GPC6: variants seen among roughly 807,000 people sequenced by gnomAD.
GPC6 encodes glypican 6, also known as glypican-6.
Under a neutral mutation model 55.2 loss-of-function variants are expected in GPC6, and 14 were observed. The ratio of observed to expected loss-of-function variants is 0.25; its 90% CI spans 0.17 to 0.40. The LOEUF is 0.40. Ranked by LOEUF, GPC6 falls within the 10% of genes least tolerant of loss-of-function variation. The pLI is 1.00. For missense variants in GPC6, 641 were observed against 708.5 expected (o/e 0.90, Z 1.08); for synonymous variants, 278 against 259.6 (o/e 1.07, Z -0.68).
intron 4 of GPC6, among the ~76,000 whole-genome samples, chr13:94,080,612 C>T (rs1885065558): frequency 6.6e-6 from 1 of 152,078 alleles, no homozygotes; most frequent in Non-Finnish European, 1.5e-5. Context: ...ATTTATTTCT[C>T]ACAGTTCTGG....
chr13:94,190,684 T>G (rs2138961697), intron 4 of GPC6, among the ~76,000 whole-genome samples: 1 of 152,318 alleles, frequency 6.6e-6, no homozygotes, highest in South Asian at 2.1e-4. Context: ...AGTTAATAAC[T>G]GCAGTATGGG....
intron 6 of GPC6, among the ~76,000 whole-genome samples, chr13:94,380,270 GA>G (rs1210315449): frequency 6.6e-6 from 1 of 152,188 alleles, no homozygotes; most frequent in Non-Finnish European, 1.5e-5. Context: ...TTCTGAACCA[GA>G]TATAAATATA....
At chr13:93,572,691 A>G (rs535984063) in intron 2 of GPC6, among the ~76,000 whole-genome samples, 1 of 152,304 alleles carries the variant, frequency 6.6e-6, no homozygotes, top group South Asian at 2.1e-4. Context: ...TGGTTTGTGA[A>G]GATTAGTTGA....
chr13:93,562,408 A>G (rs1875860910), intron 2 of GPC6, among the ~76,000 whole-genome samples: 1 of 152,194 alleles, frequency 6.6e-6, no homozygotes, highest in Admixed American at 6.5e-5. Context: ...ACAGGATACT[A>G]TCATGAGAAA....
At chr13:93,804,722 A>T (rs1886490044) in intron 2 of GPC6, among the ~76,000 whole-genome samples, 1 of 152,118 alleles carries the variant, frequency 6.6e-6, no homozygotes, top group Non-Finnish European at 1.5e-5. Flanking sequence ...ATCCCAAATC[A>T]ACCACCAGGA....
intron 1 of GPC6, among the ~76,000 whole-genome samples, chr13:93,303,406 C>A (rs1878747586): frequency 6.6e-6 from 1 of 152,130 alleles, no homozygotes; most frequent in African/African-American, 2.4e-5. Context: ...CAGTAGCTGA[C>A]AAAATGAGTG....
intron 6 of GPC6, among the ~76,000 whole-genome samples, chr13:94,369,418 A>G (rs1879432005): frequency 6.6e-6 from 1 of 152,214 alleles, no homozygotes; most frequent in African/African-American, 2.4e-5. Context: ...GGGCTGAAGG[A>G]GAAAGTCAAA....
At chr13:93,561,020 C>T (rs1019218902) in intron 2 of GPC6, among the ~76,000 whole-genome samples, 3 of 152,020 alleles carry the variant, frequency 2.0e-5, no homozygotes, top group South Asian at 2.1e-4. Flanking sequence ...TCACATGTGA[C>T]GTCTCTTTAA....
intron 1 of GPC6, among the ~76,000 whole-genome samples, chr13:93,432,275 T>A (rs549684700): frequency 6.6e-6 from 1 of 152,156 alleles, no homozygotes; most frequent in African/African-American, 2.4e-5. Context: ...GCAACAGTGA[T>A]GAACAGATCC....
intron 2 of GPC6, among the ~76,000 whole-genome samples, chr13:93,707,223 C>T (rs1193338130): frequency 6.6e-6 from 1 of 151,620 alleles, no homozygotes; most frequent in Non-Finnish European, 1.5e-5. Context: ...ACAACCCACA[C>T]TGGGGCTCTT....
intron 1 of GPC6, among the ~76,000 whole-genome samples, chr13:93,247,192 A>T (rs986638023): frequency 1.3e-5 from 2 of 152,198 alleles, no homozygotes; most frequent in African/African-American, 2.4e-5. Flanking sequence ...AGAAGACAGA[A>T]TTTTTGAGAT....
At chr13:93,297,637 A>C (rs1878538825) in intron 1 of GPC6, among the ~76,000 whole-genome samples, 1 of 152,008 alleles carries the variant, frequency 6.6e-6, no homozygotes, top group South Asian at 2.1e-4. Context: ...CAAAAAGTAA[A>C]AAGTAAAAAA....
chr13:93,371,794 G>T (rs1874666950), intron 1 of GPC6, among the ~76,000 whole-genome samples: 1 of 151,936 alleles, frequency 6.6e-6, no homozygotes, highest in Non-Finnish European at 1.5e-5. Flanking sequence ...AAAAACAAAA[G>T]CTAATGGGCG....
chr13:93,750,141 T>C (rs1884527776), intron 2 of GPC6, among the ~76,000 whole-genome samples: 1 of 151,978 alleles, frequency 6.6e-6, no homozygotes, highest in African/African-American at 2.4e-5. Context: ...TTAAGCAGAG[T>C]CTTTAAAATT....
intron 2 of GPC6, among the ~76,000 whole-genome samples, chr13:93,717,697 G>A (rs1341992756): frequency 1.3e-5 from 2 of 151,560 alleles, no homozygotes; most frequent in African/African-American, 4.8e-5. Flanking sequence ...ATGTGCCATG[G>A]TGGTTTGCTG....
At chr13:94,324,888 A>G (rs1877034498) in intron 6 of GPC6, among the ~76,000 whole-genome samples, 1 of 152,104 alleles carries the variant, frequency 6.6e-6, no homozygotes, top group Non-Finnish European at 1.5e-5. Context: ...CACATCCCAT[A>G]TCTCATTTGT....
chr13:94,383,145 T>G (rs1300330269), intron 7 of GPC6, among the ~76,000 whole-genome samples: 1 of 152,154 alleles, frequency 6.6e-6, no homozygotes, highest in Non-Finnish European at 1.5e-5. Context: ...TGATATGGAA[T>G]TTCTGAATTT....
At chr13:93,238,604 G>T (rs1386098382) in intron 1 of GPC6, among the ~76,000 whole-genome samples, 1 of 152,022 alleles carries the variant, frequency 6.6e-6, no homozygotes, top group Admixed American at 6.5e-5. Context: ...AGGACTTCCA[G>T]TATGTGTTCA....
In GPC6 at chr13:93,789,949, T is replaced by A. The variant is rs535069881; in HGVS notation, c.320-40205T>A. Among the ~76,000 whole-genome samples the A allele has an allele frequency of 8.5e-5, 13 of 152,222 alleles. No homozygotes were observed. The South Asian group carries it at 2.7e-3, about 32-fold the overall frequency. On this transcript the variant is annotated intron_variant, in intron 2 of 8. Transcript: ENST00000377047. ...AAAAACAGGTAAAACTCTTTGAATA[T>A]GCATTTTAAGGAATTTAAAAAATAA...
Sources: allele counts gnomAD v4.1 joint callset (sites outside exome capture counted in the v4.1 genomes callset), GRCh38; gene constraint gnomAD v4.1.1; transcripts MANE v1.5; gene names NCBI Gene and HGNC (gene_info 2026-07-23, HGNC 2026-07-21).